GATC: variants seen among roughly 807,000 people sequenced by gnomAD.
GATC encodes the protein glutamyl-tRNA amidotransferase subunit C.
Under a neutral mutation model 14.4 loss-of-function variants are expected in GATC, and 11 were observed. The ratio of observed to expected loss-of-function variants is 0.77; its 90% CI spans 0.48 to 1.27. GATC has a LOEUF of 1.27. Ranked by LOEUF, GATC falls within the 50% of genes most tolerant of loss-of-function variation. The pLI is 0.00. For synonymous variants in GATC, 76 were observed against 79.3 expected (o/e 0.96, Z 0.22); for missense variants, 204 against 183.0 (o/e 1.11, Z -0.66).
chr12:120,453,773 G>C (rs1296766066), intron 2 of GATC, among the ~76,000 whole-genome samples: 9 of 151,052 alleles, frequency 6.0e-5, no homozygotes, highest in Admixed American at 6.0e-4. Flanking sequence ...CTTGAGCCCA[G>C]AAGTTTGAGA....
intron 2 of GATC, among the ~76,000 whole-genome samples, chr12:120,449,740 C>A (rs1877986541): frequency 6.6e-6 from 1 of 151,902 alleles, no homozygotes; most frequent in African/African-American, 2.4e-5. Context: ...AGCTGCCGTG[C>A]CCGGCCACAG....
intron 2 of GATC, among the ~76,000 whole-genome samples, chr12:120,456,606 G>A (rs1366817675): frequency 2.0e-5 from 3 of 151,968 alleles, no homozygotes; most frequent in Non-Finnish European, 4.4e-5. Context: ...GCTGCTATAC[G>A]TGCCAGGAAG....
intron 2 of GATC, chr12:120,454,889 T>TG (rs1878140248): frequency 1.1e-5 from 3 of 282,698 alleles, no homozygotes; most frequent in African/African-American, 6.6e-5. Flanking sequence ...ACAACTCTCT[T>TG]TTGTGTGTGT....
chr12:120,455,951 G>A (rs1335452287), intron 2 of GATC, among the ~76,000 whole-genome samples: 1 of 152,150 alleles, frequency 6.6e-6, no homozygotes, highest in Non-Finnish European at 1.5e-5. Context: ...CTCCCAAAGT[G>A]CTGGGATTAC....
At chr12:120,451,755 A>G (rs958629376) in intron 2 of GATC, among the ~76,000 whole-genome samples, 1 of 151,916 alleles carries the variant, frequency 6.6e-6, no homozygotes, top group Non-Finnish European at 1.5e-5. Context: ...AAAACAAACA[A>G]ACAAACAAAA....
intron 2 of GATC, among the ~76,000 whole-genome samples, chr12:120,448,762 C>T (rs1459731847): frequency 6.7e-6 from 1 of 148,916 alleles, no homozygotes; most frequent in Non-Finnish European, 1.5e-5. Flanking sequence ...TCTCTTGCCT[C>T]AGCCTCCCGA....
intron 2 of GATC, among the ~76,000 whole-genome samples, chr12:120,456,514 C>T (rs1878188406): frequency 6.6e-6 from 1 of 151,122 alleles, no homozygotes; most frequent in Non-Finnish European, 1.5e-5. Context: ...TCTTCCACCC[C>T]GGCAGACCAC....
rs776930825 is a variant in GATC at position 120,462,038 on chromosome 12, G to C, written c.*2079G>C. 2.8e-5 allele frequency: 45 copies of C among 1,611,342 alleles called. No homozygotes were observed. Among genetic ancestry groups the C allele is most frequent in the Non-Finnish European group, 3.7e-5 (44 of 1,179,574 alleles). ...CCTGTCTCAGTAGGGCCTGAAAGGA[G>C]AGAAGTAGTGTGGGGAACCCCTGCT... is the stretch of plus-strand genomic sequence containing the variant. On this transcript the variant is annotated 3_prime_UTR_variant, in exon 4 of 4. Transcript: ENST00000551765.
chr12:120,448,376 T>A (rs1877936778), intron 2 of GATC, among the ~76,000 whole-genome samples: 1 of 149,720 alleles, frequency 6.7e-6, no homozygotes, highest in East Asian at 2.0e-4. Flanking sequence ...TCACCCAGGC[T>A]GGAGTGCAGT....
chr12:120,462,105 G>A lies in GATC; in HGVS notation c.*2146G>A. On this transcript the variant is annotated 3_prime_UTR_variant, in exon 4 of 4. Transcript: ENST00000551765. ...CGGCCCCTTGACCCAGACCGAGACC[G>A]TGAGTAGCCATAGCTGGTGCTTCTC... 3 of 1,612,404 alleles carry A rather than the reference G, an allele frequency of 1.9e-6. No individual in the cohort carries two copies. The highest frequency in any genetic ancestry group is 1.3e-5 in the African/African-American group (1 of 74,952).
intron 3 of GATC, among the ~76,000 whole-genome samples, chr12:120,458,369 C>G (rs1041454716): frequency 6.6e-6 from 1 of 152,108 alleles, no homozygotes; most frequent in South Asian, 2.1e-4. Context: ...GGGTGAGCCA[C>G]TGCACCCCGC....
chr12:120,453,830 A>T (rs1039342563), intron 2 of GATC, among the ~76,000 whole-genome samples: 1 of 150,480 alleles, frequency 6.6e-6, no homozygotes, highest in African/African-American at 2.4e-5. Flanking sequence ...AAAAAAAGTA[A>T]AACAACAACA....
At chr12:120,449,807 G>C (rs1877989392) in intron 2 of GATC, among the ~76,000 whole-genome samples, 1 of 151,120 alleles carries the variant, frequency 6.6e-6, no homozygotes, top group African/African-American at 2.4e-5. Context: ...ACGTTGCCCA[G>C]GCTGGAGTGC....
At position 120,463,504 on chromosome 12, in the gene GATC, G is replaced by T. The variant is rs190798152; in HGVS notation, c.*3545G>T. ...TGCTGCACTACTCTGGGAAAAAAGTGAAGTGACAGCTCAGCCCTGACAGCA... is the reference window on the plus strand; with the variant it reads ...TGCTGCACTACTCTGGGAAAAAAGTTAAGTGACAGCTCAGCCCTGACAGCA... On this transcript the variant is annotated 3_prime_UTR_variant, in exon 4 of 4. Coordinates refer to ENST00000551765, the MANE Select transcript of GATC (RefSeq NM_176818.3). 6.5e-6 allele frequency: 1 copy of T among 153,352 alleles called. No individual in the cohort carries two copies. The highest frequency in any genetic ancestry group is 2.4e-5 in the African/African-American group (1 of 41,618). 9.5% of individuals were successfully genotyped at this position (153,352 alleles called of 1,614,324 possible). A position where few individuals can be genotyped will look rare whatever the true frequency, so the allele number is the denominator to read the frequency against.
chr12:120,448,957 GTTCT>G (rs1482333004), intron 2 of GATC, among the ~76,000 whole-genome samples: 13 of 139,276 alleles, frequency 9.3e-5, no homozygotes, highest in South Asian at 7.1e-4. Context: ...TTATACTTAG[GTTCT>G]TTTTTTTTTT....
At chr12:120,455,538 C>T (rs1878160224) in intron 2 of GATC, among the ~76,000 whole-genome samples, 2 of 152,080 alleles carry the variant, frequency 1.3e-5, no homozygotes, top group African/African-American at 4.8e-5. Flanking sequence ...TTGTTCAAGG[C>T]CACACAGTTA....
intron 3 of GATC, among the ~76,000 whole-genome samples, chr12:120,457,848 C>T (rs1000029821): frequency 6.6e-6 from 1 of 152,082 alleles, no homozygotes; most frequent in African/African-American, 2.4e-5. Context: ...CTCAGGTGAT[C>T]CACCCACCTC....
chr12:120,455,717 G>A (rs142981062), intron 2 of GATC, among the ~76,000 whole-genome samples: 38 of 151,582 alleles, frequency 2.5e-4, no homozygotes, highest in African/African-American at 8.7e-4. Flanking sequence ...GCAGAGTATC[G>A]CTCTGTCGCC....
chr12:120,460,193 AG>A lies in GATC; in HGVS notation c.*236del. 2.2e-6 allele frequency: 1 copy of A among 463,134 alleles called. No homozygotes were observed. Among genetic ancestry groups the A allele is most frequent in the South Asian group, 2.3e-5 (1 of 42,704 alleles). 28.7% of individuals were successfully genotyped at this position (463,134 alleles called of 1,614,324 possible). ...AAAGAAAAGCAAAAGTCAGCTTCCA[AG>A]GAATTCACTTAACAGGCCTGTTCAG... On this transcript the variant is annotated 3_prime_UTR_variant, in exon 4 of 4. Coordinates refer to ENST00000551765, the MANE Select transcript of GATC (RefSeq NM_176818.3).
Sources: gnomAD v4.1 joint callset for allele counts (sites outside exome capture counted in the v4.1 genomes callset) on GRCh38, gnomAD v4.1.1 for gene constraint, MANE v1.5 for transcripts, NCBI Gene and HGNC (gene_info 2026-07-23, HGNC 2026-07-21) for gene names.